The following ERMP1 variants were observed in gnomAD, a reference collection of about 807,000 sequenced individuals.
ERMP1 encodes the protein endoplasmic reticulum metallopeptidase 1.
In ERMP1, 86 loss-of-function variants were observed where a neutral mutation model predicts 92.0. The ratio of observed to expected loss-of-function variants is 0.93; its 90% CI spans 0.79 to 1.12. The LOEUF is 1.12. Ranked by LOEUF, ERMP1 falls within the 50% of genes most tolerant of loss-of-function variation. The pLI, the probability that ERMP1 is intolerant of heterozygous loss-of-function variation, is 0.00. For synonymous variants in ERMP1, 530 were observed against 412.8 expected (o/e 1.28, Z -3.44); for missense variants, 1,342 against 1,116.3 (o/e 1.20, Z -2.88).
rs1227617740 is a variant in ERMP1, at chr9:5,787,133, C to T, written c.*11G>A. ...ATCCACTGGGCATGTACTTAGAGCT[C>T]ATCCACAAGATTAAAATACAAAGAG... On this transcript the variant is annotated 3_prime_UTR_variant, in exon 15 of 15. Transcript: ENST00000339450. 9 of 1,609,508 alleles carry T rather than the reference C, an allele frequency of 5.6e-6. No homozygotes were observed. The African/African-American group carries it at 9.4e-5, about 17-fold the overall frequency.
intron 8 of ERMP1, among the ~76,000 whole-genome samples, chr9:5,809,444 A>G (rs931741397): frequency 1.3e-5 from 2 of 152,206 alleles, no homozygotes; most frequent in African/African-American, 4.8e-5. Flanking sequence ...TTCCTTAGCA[A>G]TGTGTCTTTT....
At chr9:5,792,740 G>T (rs1363227362) in intron 13 of ERMP1, among the ~76,000 whole-genome samples, 1 of 152,174 alleles carries the variant, frequency 6.6e-6, no homozygotes, top group East Asian at 1.9e-4. Flanking sequence ...ATGTTATAAG[G>T]TATCTGCACT....
At chr9:5,813,996 C>T (rs568241233) in intron 4 of ERMP1, among the ~76,000 whole-genome samples, 2 of 151,742 alleles carry the variant, frequency 1.3e-5, no homozygotes, top group African/African-American at 4.8e-5. Flanking sequence ...TAATGCCTGC[C>T]TGGGGAATGA....
At chr9:5,818,029 A>G (rs958816235) in intron 4 of ERMP1, among the ~76,000 whole-genome samples, 2 of 152,144 alleles carry the variant, frequency 1.3e-5, no homozygotes, top group Non-Finnish European at 1.5e-5. Flanking sequence ...AATAGATCAC[A>G]TGGTGGATCT....
intron 4 of ERMP1, among the ~76,000 whole-genome samples, 197 bp downstream of exon 4, chr9:5,823,699 T>C (rs979117113): frequency 2.0e-5 from 3 of 150,890 alleles, no homozygotes; most frequent in Non-Finnish European, 4.4e-5. Flanking sequence ...TGGCATATAA[T>C]AAGCACTATA....
At chr9:5,843,427 T>G (rs1283814057) in intron 6 of ERMP1, among the ~76,000 whole-genome samples, 3 of 152,240 alleles carry the variant, frequency 2.0e-5, no homozygotes, top group Non-Finnish European at 2.9e-5. Flanking sequence ...GCTGCCAGTT[T>G]GAAGCCTCTG....
intron 6 of ERMP1, among the ~76,000 whole-genome samples, chr9:5,856,777 T>G (rs191031438): frequency 1.3e-5 from 2 of 152,188 alleles, no homozygotes; most frequent in Non-Finnish European, 2.9e-5. Flanking sequence ...TGTTTCTGAT[T>G]TGGGGACACT....
chr9:5,805,209 C>T lies in ERMP1; in HGVS notation c.1732G>A (p.Gly578Arg). The change falls in exon 10 of 15, where the codon GGA becomes AGA. Residue 578 changes from glycine (G) to arginine (R), a missense_variant. By Grantham distance (125) the Gly-to-Arg change is moderately radical (BLOSUM62 -2). Coordinates refer to ENST00000339450, the MANE Select transcript of ERMP1 (RefSeq NM_024896.3). Reference sequence around the variant, plus strand: ...AAAAGGTAAAAAGCAATAAATTTTCCTTGGGCACCTAGGGAAAAAGAGAAA... The same window carrying T: ...AAAAGGTAAAAAGCAATAAATTTTCTTTGGGCACCTAGGGAAAAAGAGAAA... The part of the protein sequence containing the change: ...HKDFKQHGAQ[G>R]KFIAFYLLGM... The T allele has an allele frequency of 6.2e-7, 1 of 1,603,896 alleles. No individual in the cohort carries two copies. The highest frequency in any genetic ancestry group is 8.5e-7 in the Non-Finnish European group (1 of 1,176,534).
At chr9:5,808,654 C>G (rs532967473) in intron 8 of ERMP1, among the ~76,000 whole-genome samples, 1 of 152,242 alleles carries the variant, frequency 6.6e-6, no homozygotes, top group South Asian at 2.1e-4. Flanking sequence ...AGATCTTCCT[C>G]TTTAATTCAC....
intron 5 of ERMP1, among the ~76,000 whole-genome samples, chr9:5,864,758 T>C (rs1271317645): frequency 6.6e-6 from 1 of 152,206 alleles, no homozygotes; most frequent in Non-Finnish European, 1.5e-5. Flanking sequence ...AACCCCTGTA[T>C]TCCCTGAGGC....
intron 13 of ERMP1, chr9:5,791,205 T>C (rs899124747): frequency 2.4e-5 from 11 of 456,324 alleles, no homozygotes; most frequent in African/African-American, 8.0e-5. Context: ...GAGAGAGTGA[T>C]TGAGATTTAT....
chr9:5,812,766 G>T, intron 5 of ERMP1, 123 bp downstream of exon 5: 1 of 1,062,672 alleles, frequency 9.4e-7, no homozygotes, highest in Non-Finnish European at 1.5e-6. Context: ...GTGAGTCAAT[G>T]TATATTTCTC....
At chr9:5,851,282 C>T (rs1000148524) in intron 6 of ERMP1, among the ~76,000 whole-genome samples, 1 of 152,184 alleles carries the variant, frequency 6.6e-6, no homozygotes, top group African/African-American at 2.4e-5. Context: ...TTTGCTATAC[C>T]TTATTTTCCT....
intron 4 of ERMP1, among the ~76,000 whole-genome samples, chr9:5,817,072 G>A (rs1829339590): frequency 6.7e-6 from 1 of 148,384 alleles, no homozygotes; most frequent in African/African-American, 2.5e-5. Flanking sequence ...GTAATTTTTT[G>A]TATTTTTAGT....
intron 8 of ERMP1, among the ~76,000 whole-genome samples, chr9:5,806,491 G>A (rs757307246): frequency 4.0e-5 from 6 of 150,706 alleles, no homozygotes; most frequent in Admixed American, 2.6e-4. Flanking sequence ...CCAGTGGTGC[G>A]ATCTCGGCCC....
chr9:5,812,738 G>T, intron 5 of ERMP1, 151 bp downstream of exon 5: 1 of 857,508 alleles, frequency 1.2e-6, no homozygotes, highest in Non-Finnish European at 1.9e-6. Flanking sequence ...TTTAAAAAAG[G>T]AAACAAACTC....
intron 13 of ERMP1, among the ~76,000 whole-genome samples, chr9:5,789,665 T>A (rs1237490132): frequency 6.6e-6 from 1 of 152,052 alleles, no homozygotes; most frequent in African/African-American, 2.4e-5. Flanking sequence ...AACAGCCCAC[T>A]GCTCTGTCAC....
At chr9:5,813,196 GAT>G (rs1291747940) in intron 4 of ERMP1, among the ~76,000 whole-genome samples, 161 bp from the exon 5 acceptor site, 2 of 152,006 alleles carry the variant, frequency 1.3e-5, no homozygotes, top group Non-Finnish European at 2.9e-5. Context: ...ATGTTTCTCT[GAT>G]ATATGTGTTT....
intron 6 of ERMP1, chr9:5,855,669 C>G (rs552696612): frequency 6.5e-6 from 1 of 153,074 alleles, no homozygotes; most frequent in African/African-American, 2.4e-5. Context: ...ATTAGTTTTC[C>G]TAAGAGTTCA....
Sources: allele counts gnomAD v4.1 joint callset (sites outside exome capture counted in the v4.1 genomes callset), GRCh38; gene constraint gnomAD v4.1.1; transcripts MANE v1.5; gene names NCBI Gene and HGNC (gene_info 2026-07-23, HGNC 2026-07-21).